PCDHA1: variants seen among roughly 807,000 people sequenced by gnomAD.
PCDHA1 encodes protocadherin alpha 1.
Under a neutral mutation model 61.3 loss-of-function variants are expected in PCDHA1, and 42 were observed. The observed-to-expected ratio is 0.69, with a 90% CI of 0.54 to 0.89. PCDHA1 has a LOEUF of 0.89. PCDHA1 is among the 40% of genes least tolerant of loss of function. The probability of loss-of-function intolerance (pLI) is 0.00; values close to 1 mark genes in which losing one functional copy is unlikely to be tolerated. For missense variants in PCDHA1, 1,256 were observed against 1,235.3 expected, an observed-to-expected ratio of 1.02 and a Z score of -0.25; for synonymous variants, 610 against 553.8, an observed-to-expected ratio of 1.10 and a Z score of -1.43.
chr5:140,899,485 G>T (rs2067355642), intron 1 of PCDHA1, among the ~76,000 whole-genome samples: 2 of 152,140 alleles, frequency 1.3e-5, no homozygotes, highest in African/African-American at 4.8e-5. Flanking sequence ...TTATATGCTG[G>T]ATTACATTTA....
At chr5:140,855,984 A>G in intron 1 of PCDHA1, 1 of 1,472,240 alleles carries the variant, frequency 6.8e-7, no homozygotes, top group East Asian at 2.3e-5. Flanking sequence ...AGGACAGAAA[A>G]TGTCAGATCG....
At chr5:140,829,306 C>G (rs145661045) in intron 1 of PCDHA1, 10 of 1,614,134 alleles carry the variant, frequency 6.2e-6, no homozygotes, top group Non-Finnish European at 8.5e-6. Flanking sequence ...AGAATTACTA[C>G]TCGTTGGTGC....
chr5:140,935,894 C>CTTT lies in PCDHA1; in HGVS notation c.2395-43041_2395-43039dup, dbSNP rs55841305. Among the ~76,000 whole-genome samples, 1,154 of 136,734 alleles carry CTTT rather than the reference C, an allele frequency of 8.4e-3. 14 individuals carry two copies. Among genetic ancestry groups the CTTT allele is most frequent in the East Asian group, 0.025 (118 of 4,726 alleles). 89.7% of individuals were successfully genotyped at this position (136,734 alleles called of 152,430 possible). On this transcript the variant is annotated intron_variant, in intron 1 of 3. Coordinates refer to ENST00000504120, the MANE Select transcript of PCDHA1 (RefSeq NM_018900.4). ...ATGAGCTCCAATTTATCAATATTAT[C>CTTT]TTTTTTTTTTTTTTTTGAGACAGAT...
At position 140,928,541 on chromosome 5, in the gene PCDHA1, A is replaced by T. The variant is rs149868042; in HGVS notation, c.2395-50408A>T. Reference sequence around the variant, plus strand: ...AACTTGTTTGTGGTAGATAGGAATGACAATTATCCGGTTATCTTGTTTCCC... The same window carrying T: ...AACTTGTTTGTGGTAGATAGGAATGTCAATTATCCGGTTATCTTGTTTCCC... On this transcript the variant is annotated intron_variant, in intron 1 of 3. Transcript: ENST00000504120. 1,755 of 1,614,192 alleles carry T rather than the reference A, an allele frequency of 1.1e-3. 11 individuals carry two copies. In the African/African-American group the frequency reaches 0.015, roughly 13 times the overall value.
chr5:140,950,917 A>ACT (rs1554219681), intron 1 of PCDHA1, among the ~76,000 whole-genome samples: 4 of 151,642 alleles, frequency 2.6e-5, no homozygotes, highest in African/African-American at 9.7e-5. Context: ...ATTTTATTTC[A>ACT]GTTCTTTTTC....
chr5:140,985,389 C>T (rs1376347712), intron 3 of PCDHA1, among the ~76,000 whole-genome samples: 1 of 152,266 alleles, frequency 6.6e-6, no homozygotes, highest in African/African-American at 2.4e-5. Context: ...AATCCAGTCA[C>T]CCCAACTGTT....
chr5:140,877,401 G>A, intron 1 of PCDHA1: 1 of 1,613,944 alleles, frequency 6.2e-7, no homozygotes. Context: ...CGGACGCTCC[G>A]CGCCACCGCC....
intron 1 of PCDHA1, chr5:140,823,321 G>T: frequency 6.2e-7 from 1 of 1,612,290 alleles, no homozygotes. Flanking sequence ...GAGCGGCAAG[G>T]TGTACGCGCT....
chr5:140,997,077 G>T (rs1201538953), intron 3 of PCDHA1, among the ~76,000 whole-genome samples: 3 of 152,062 alleles, frequency 2.0e-5, no homozygotes, highest in Admixed American at 2.0e-4. Flanking sequence ...CAGGAAAGTT[G>T]AGTAGAAAGT....
In PCDHA1 at chr5:140,787,578, G is replaced by C. The variant is rs557029404; in HGVS notation, c.1288G>C (p.Gly430Arg). The change falls in exon 1 of 4, where the codon GGG (glycine) becomes CGG (arginine). Residue 430 changes from glycine (G) to arginine (R), a missense_variant. Coordinates refer to ENST00000504120, the MANE Select transcript of PCDHA1 (RefSeq NM_018900.4). ...TGAGCTGGTGGTGACCGCGCGGGACGGGGGCTCGCCTTCGCTGTGGGCCAC... is the reference window on the plus strand; with the variant it reads ...TGAGCTGGTGGTGACCGCGCGGGACCGGGGCTCGCCTTCGCTGTGGGCCAC... ...VYELVVTARD[G>R]GSPSLWATAR... 19 of 1,614,064 alleles carry C rather than the reference G, an allele frequency of 1.2e-5. No individual in the cohort carries two copies. Among genetic ancestry groups the C allele is most frequent in the South Asian group, 4.4e-5 (4 of 91,074 alleles).
At chr5:140,836,132 G>T in intron 1 of PCDHA1, 1 of 1,613,758 alleles carries the variant, frequency 6.2e-7, no homozygotes. Flanking sequence ...TTGTGCCGCG[G>T]TCTGTGGGCG....
At position 140,843,578 on chromosome 5, in the gene PCDHA1, C is replaced by T. The variant is rs1372766659; in HGVS notation, c.2394+54894C>T. On this transcript the variant is annotated intron_variant, in intron 1 of 3. Coordinates refer to ENST00000504120, the MANE Select transcript of PCDHA1 (RefSeq NM_018900.4). ...GGTGGGGAGCTGGTCATACTCGCAA[C>T]AACAGCCGCAGAGGGTGTGCTCTGG... 9 of 1,595,980 alleles carry T rather than the reference C, an allele frequency of 5.6e-6. 1 individual carries two copies. The highest frequency in any genetic ancestry group is 7.7e-6 in the Non-Finnish European group (9 of 1,165,492).
chr5:140,796,689 C>A (rs782143025), intron 1 of PCDHA1: 3 of 1,613,928 alleles, frequency 1.9e-6, no homozygotes, highest in South Asian at 2.2e-5. Flanking sequence ...CCGCTGCTGG[C>A]GCAGTGAGTG....
chr5:140,835,961 G>A (rs2150249175), intron 1 of PCDHA1: 1 of 1,613,162 alleles, frequency 6.2e-7, no homozygotes, highest in Admixed American at 1.7e-5. Context: ...TGGACCACGA[G>A]GAGCTGGAGC....
chr5:141,001,164 A>T (rs2097995699), intron 3 of PCDHA1, among the ~76,000 whole-genome samples: 1 of 152,102 alleles, frequency 6.6e-6, no homozygotes, highest in East Asian at 1.9e-4. Context: ...AATAAGTAAA[A>T]TTTAACGAGT....
Position 140,916,718 on chromosome 5 carries a change from G to C in PCDHA1, c.2395-62231G>C, listed in dbSNP as rs115136945. Among the ~76,000 whole-genome samples, 1,217 of 152,304 alleles carry C rather than the reference G, an allele frequency of 8.0e-3. 6 individuals are homozygous for C. Among genetic ancestry groups the C allele is most frequent in the African/African-American group, 0.019 (785 of 41,570 alleles). On this transcript the variant is annotated intron_variant, in intron 1 of 3. Coordinates refer to ENST00000504120, the MANE Select transcript of PCDHA1 (RefSeq NM_018900.4). ...CTCTCCTTAAGCAGAAGGAAGGAGTGACTTTTGTTGCTGCAAGCTTCACTG... is the reference window on the plus strand; with the variant it reads ...CTCTCCTTAAGCAGAAGGAAGGAGTCACTTTTGTTGCTGCAAGCTTCACTG...
intron 1 of PCDHA1, chr5:140,811,112 A>T (rs1463605915): frequency 6.6e-6 from 1 of 152,084 alleles, no homozygotes; most frequent in Non-Finnish European, 1.5e-5. Flanking sequence ...GCACCCATCA[A>T]CTCATCATTT....
chr5:140,858,566 G>A (rs2045486949), intron 1 of PCDHA1: 1 of 1,375,796 alleles, frequency 7.3e-7, no homozygotes, highest in African/African-American at 1.4e-5. Context: ...TATTTCTAGT[G>A]ATACCTTTGT....
chr5:140,932,016 G>A lies in PCDHA1; in HGVS notation c.2395-46933G>A, dbSNP rs73266047. Among the ~76,000 whole-genome samples, 510 of 151,544 alleles carry A rather than the reference G, an allele frequency of 3.4e-3. 2 individuals carry two copies. Among genetic ancestry groups the A allele is most frequent in the African/African-American group, 0.012 (481 of 41,364 alleles). ...TCTAAGTTCTTTCATTTTAGTTTAC[G>A]GTAAGTTTACAGTATATATTAACAT... On this transcript the variant is annotated intron_variant, in intron 1 of 3. Transcript: ENST00000504120.
Sources: gnomAD v4.1 joint callset for allele counts (sites outside exome capture counted in the v4.1 genomes callset) on GRCh38, gnomAD v4.1.1 for gene constraint, MANE v1.5 for transcripts, NCBI Gene and HGNC (gene_info 2026-07-23, HGNC 2026-07-21) for gene names.